NTM: variants seen among roughly 807,000 people sequenced by gnomAD.
NTM encodes neurotrimin.
Under a neutral mutation model 42.1 loss-of-function variants are expected in NTM, and 13 were observed. That is an observed-to-expected ratio of 0.31 (90% CI 0.20 to 0.49). NTM has a LOEUF of 0.49. NTM is among the 20% of genes least tolerant of loss of function. The probability of loss-of-function intolerance (pLI) is 0.99; values close to 1 mark genes in which losing one functional copy is unlikely to be tolerated. For synonymous variants in NTM, 187 were observed against 179.2 expected (o/e 1.04, Z -0.35); for missense variants, 373 against 452.8 (o/e 0.82, Z 1.60).
chr11:132,112,534 C>T (rs766820252), intron 2 of NTM, among the ~76,000 whole-genome samples: 49 of 152,230 alleles, frequency 3.2e-4, no homozygotes, highest in Admixed American at 8.5e-4. Flanking sequence ...GAAAACGAGA[C>T]TCCCAGTGGG....
intron 4 of NTM, among the ~76,000 whole-genome samples, chr11:132,239,974 T>C (rs1267547454): frequency 6.6e-6 from 1 of 151,798 alleles, no homozygotes; most frequent in East Asian, 1.9e-4. Flanking sequence ...CACCCATCCA[T>C]CCATCCATCC....
chr11:131,861,937 CT>C (rs2046676520), intron 1 of NTM, among the ~76,000 whole-genome samples: 1 of 152,170 alleles, frequency 6.6e-6, no homozygotes, highest in African/African-American at 2.4e-5. Context: ...TTCACCACTC[CT>C]CTGCACATCC....
intron 3 of NTM, among the ~76,000 whole-genome samples, chr11:132,158,143 G>A (rs1407457081): frequency 6.6e-6 from 1 of 152,286 alleles, no homozygotes; most frequent in East Asian, 1.9e-4. Flanking sequence ...TCCCTACTGT[G>A]GCCTAAAAGG....
intron 4 of NTM, among the ~76,000 whole-genome samples, chr11:132,264,233 C>T (rs528807583): frequency 1.3e-5 from 2 of 152,246 alleles, no homozygotes; most frequent in African/African-American, 4.8e-5. Flanking sequence ...TTTCATATTC[C>T]AGTTACTAGG....
At chr11:132,320,222 C>G (rs907452404) in intron 7 of NTM, among the ~76,000 whole-genome samples, 1 of 152,202 alleles carries the variant, frequency 6.6e-6, no homozygotes, top group African/African-American at 2.4e-5. Flanking sequence ...CCAGCCTGAG[C>G]GACGCAGAAG....
chr11:131,736,473 A>G (rs965389500), intron 1 of NTM, among the ~76,000 whole-genome samples: 1 of 152,144 alleles, frequency 6.6e-6, no homozygotes, highest in Admixed American at 6.5e-5. Flanking sequence ...CTCCACTTAC[A>G]AAGCTCTGTG....
intron 2 of NTM, among the ~76,000 whole-genome samples, chr11:131,940,986 C>T (rs913503469): frequency 3.3e-5 from 5 of 152,134 alleles, no homozygotes; most frequent in African/African-American, 9.7e-5. Context: ...GTTTCCTCTT[C>T]GATGATTCTG....
intron 1 of NTM, among the ~76,000 whole-genome samples, chr11:131,776,154 C>T (rs1450890608): frequency 6.6e-6 from 1 of 152,204 alleles, no homozygotes; most frequent in African/African-American, 2.4e-5. Context: ...TAGGTTCAAA[C>T]TACAAAGCTC....
chr11:131,783,055 A>G (rs2136025758), intron 1 of NTM, among the ~76,000 whole-genome samples: 1 of 152,306 alleles, frequency 6.6e-6, no homozygotes, highest in South Asian at 2.1e-4. Context: ...TGAATTTATG[A>G]GTGGCATGAT....
At chr11:132,237,699 C>T (rs919401764) in intron 4 of NTM, among the ~76,000 whole-genome samples, 9 of 152,104 alleles carry the variant, frequency 5.9e-5, no homozygotes, top group African/African-American at 2.2e-4. Flanking sequence ...GCCAACTGTC[C>T]TCCCCTGTAA....
intron 8 of NTM, among the ~76,000 whole-genome samples, chr11:132,331,984 G>A (rs2095808809): frequency 6.6e-6 from 1 of 152,208 alleles, no homozygotes; most frequent in Admixed American, 6.5e-5. Flanking sequence ...ACGAAATGTA[G>A]TGCTCGGTCC....
intron 8 of NTM, among the ~76,000 whole-genome samples, chr11:132,333,722 C>T (rs753396377): frequency 1.3e-5 from 2 of 152,134 alleles, no homozygotes; most frequent in Non-Finnish European, 2.9e-5. Context: ...GAATCAGACA[C>T]CAGGGAAACA....
At chr11:132,055,957 A>G (rs1358231209) in intron 2 of NTM, among the ~76,000 whole-genome samples, 1 of 152,218 alleles carries the variant, frequency 6.6e-6, no homozygotes, top group Non-Finnish European at 1.5e-5. Flanking sequence ...GCCACTCCTC[A>G]CTGTAGTTCT....
intron 2 of NTM, among the ~76,000 whole-genome samples, chr11:131,946,092 C>T (rs1019241864): frequency 2.0e-5 from 3 of 152,096 alleles, no homozygotes; most frequent in African/African-American, 7.2e-5. Flanking sequence ...AATGAGAAAG[C>T]GATCCCGGAA....
chr11:132,094,042 T>A (rs10750496), intron 2 of NTM, among the ~76,000 whole-genome samples: 109,772 of 152,022 alleles, frequency 0.72, 40,423 homozygotes, highest in African/African-American at 0.82. Flanking sequence ...AAACCGCCGG[T>A]TTGGTTACAG....
chr11:132,018,797 G>A (rs1434243661), intron 2 of NTM, among the ~76,000 whole-genome samples: 1 of 151,940 alleles, frequency 6.6e-6, no homozygotes, highest in Non-Finnish European at 1.5e-5. Flanking sequence ...GTATTGACAT[G>A]TTTTGTTTTT....
intron 1 of NTM, among the ~76,000 whole-genome samples, chr11:131,597,092 C>T (rs185782712): frequency 1.4e-4 from 22 of 152,202 alleles, no homozygotes; most frequent in African/African-American, 4.6e-4. Context: ...TCTGCCTTTC[C>T]CAGCCCACTG....
At chr11:131,646,645 G>T (rs1420167591) in intron 1 of NTM, among the ~76,000 whole-genome samples, 1 of 152,108 alleles carries the variant, frequency 6.6e-6, no homozygotes, top group Non-Finnish European at 1.5e-5. Flanking sequence ...CTCACACTTA[G>T]AATCGTTTTT....
chr11:131,774,505 C>A (rs1316869895), intron 1 of NTM, among the ~76,000 whole-genome samples: 1 of 152,190 alleles, frequency 6.6e-6, no homozygotes, highest in East Asian at 1.9e-4. Flanking sequence ...CACTGTGTAT[C>A]ATTCCACCTA....
Sources: allele counts gnomAD v4.1 joint callset (sites outside exome capture counted in the v4.1 genomes callset), GRCh38; gene constraint gnomAD v4.1.1; transcripts MANE v1.5; gene names NCBI Gene and HGNC (gene_info 2026-07-23, HGNC 2026-07-21).